Variants in LMO7 observed in about 807,000 individuals in gnomAD.
LMO7 encodes LIM domain 7.
A neutral mutation model predicts 206.5 loss-of-function variants in LMO7; 120 were observed. The observed-to-expected ratio is 0.58, with a 90% CI of 0.50 to 0.68. The LOEUF (loss-of-function observed/expected upper bound fraction) is 0.68. Among genes scored for constraint, LMO7 ranks in the 30% least tolerant of loss-of-function variants. The pLI, the probability that LMO7 is intolerant of heterozygous loss-of-function variation, is 0.00. For missense variants in LMO7, 1,959 were observed against 1,957.9 expected (o/e 1.00, Z -0.01); for synonymous variants, 706 against 681.5 (o/e 1.04, Z -0.56).
intron 2 of LMO7, among the ~76,000 whole-genome samples, chr13:75,715,015 C>T (rs915679654): frequency 1.2e-4 from 19 of 152,066 alleles, no homozygotes; most frequent in African/African-American, 2.9e-4. Context: ...GCATATATCT[C>T]GAATATATGA....
intron 3 of LMO7, among the ~76,000 whole-genome samples, chr13:75,735,042 T>G (rs530339284): frequency 1.7e-4 from 26 of 150,256 alleles, no homozygotes; most frequent in Middle Eastern, 3.5e-3. Context: ...AGCTTGCAGT[T>G]AGCCGAGATC....
intron 3 of LMO7, among the ~76,000 whole-genome samples, chr13:75,758,795 G>C (rs772208254): frequency 6.6e-5 from 10 of 152,080 alleles, no homozygotes; most frequent in African/African-American, 1.4e-4. Flanking sequence ...TTTACTTTTA[G>C]TTTAACCTTA....
At chr13:75,836,330 G>A (rs533407234) in intron 18 of LMO7, 67 bp from the exon 19 acceptor site, 30 of 780,900 alleles carry the variant, frequency 3.8e-5, no homozygotes, top group African/African-American at 3.8e-4. Flanking sequence ...TCACTAATGC[G>A]AAATGCATTA....
At chr13:75,806,263 T>G (rs2055445698) in intron 9 of LMO7, 1 of 989,130 alleles carries the variant, frequency 1.0e-6, no homozygotes, top group Non-Finnish European at 1.2e-6. Context: ...TGAGCCCAGG[T>G]GCCCCTGTCT....
intron 1 of LMO7, among the ~76,000 whole-genome samples, chr13:75,641,318 G>C (rs1377546553): frequency 6.6e-6 from 1 of 152,246 alleles, no homozygotes; most frequent in Non-Finnish European, 1.5e-5. Flanking sequence ...AAATCTTGAA[G>C]TTGCAGACAG....
At chr13:75,777,698 T>C (rs1167749317) in intron 4 of LMO7, among the ~76,000 whole-genome samples, 1 of 146,474 alleles carries the variant, frequency 6.8e-6, no homozygotes, top group Non-Finnish European at 1.5e-5. Flanking sequence ...CAGGCTGGAG[T>C]GCAGTGGGGC....
At position 75,741,491 on chromosome 13, in the gene LMO7, C is replaced by T. The variant is rs561156375; in HGVS notation, c.210+14393C>T. On this transcript the variant is annotated intron_variant, in intron 3 of 30. Transcript: ENST00000377534. ...GATGCAAAAATCCTCAACAAAACAC[C>T]GGCAAACTGAATCCAGCAGCACATC... 1.8e-4 allele frequency among the ~76,000 whole-genome samples: 28 copies of T among 152,236 alleles called. No homozygotes were observed. In the South Asian group the frequency reaches 4.6e-3, roughly 25 times the overall value.
chr13:75,804,577 C>A (rs747988789), intron 8 of LMO7, 36 bp downstream of exon 8: 1 of 1,593,212 alleles, frequency 6.3e-7, no homozygotes, highest in South Asian at 1.1e-5. Context: ...GTTTCGTATG[C>A]TTTTCGAATA....
At chr13:75,623,154 T>C (rs904568256) in intron 1 of LMO7, 2 of 607,684 alleles carry the variant, frequency 3.3e-6, no homozygotes, top group Non-Finnish European at 5.9e-6. Flanking sequence ...CTAAATAGTA[T>C]CATGCTTTGG....
chr13:75,647,951 C>CTTTCT (rs1555286938), intron 1 of LMO7, among the ~76,000 whole-genome samples: 24 of 91,148 alleles, frequency 2.6e-4, no homozygotes, highest in East Asian at 3.8e-4. Context: ...TCTTTTCTTT[C>CTTTCT]TTTTTTTTTT....
intron 14 of LMO7, 74 bp from the exon 15 acceptor site, chr13:75,823,491 T>C (rs889659820): frequency 1.2e-5 from 14 of 1,161,448 alleles, no homozygotes; most frequent in Non-Finnish European, 1.6e-5. Flanking sequence ...AAAATATTAA[T>C]TTAATAAACA....
At chr13:75,816,894 G>A (rs927029718) in intron 11 of LMO7, 17 of 260,826 alleles carry the variant, frequency 6.5e-5, no homozygotes, top group Admixed American at 1.6e-4. Flanking sequence ...TTGTTTGCTT[G>A]TTTTTTGTTT....
chr13:75,856,369 G>T, intron 29 of LMO7, 137 bp from the exon 30 acceptor site: 2 of 580,960 alleles, frequency 3.4e-6, no homozygotes, highest in Non-Finnish European at 6.1e-6. Flanking sequence ...ATCATCTTTC[G>T]GCCTTTTTTT....
chr13:75,827,175 G>A (rs1045735168), intron 15 of LMO7, among the ~76,000 whole-genome samples: 6 of 151,996 alleles, frequency 3.9e-5, no homozygotes, highest in Admixed American at 2.0e-4. Context: ...TAAGTTTTAC[G>A]GACTTGAACT....
intron 3 of LMO7, among the ~76,000 whole-genome samples, chr13:75,735,141 GTA>G (rs141860129): frequency 0.044 from 6,367 of 143,176 alleles, 176 homozygotes; most frequent in Non-Finnish European, 0.057. Flanking sequence ...GTGTGTGTGT[GTA>G]TGTATGTACA....
intron 15 of LMO7, among the ~76,000 whole-genome samples, chr13:75,825,939 C>T (rs1276520143): frequency 6.6e-6 from 1 of 152,132 alleles, no homozygotes; most frequent in Non-Finnish European, 1.5e-5. Context: ...TCATTTTTCT[C>T]TTTCATACCT....
intron 6 of LMO7, among the ~76,000 whole-genome samples, chr13:75,799,411 T>C (rs960596185): frequency 9.2e-5 from 14 of 152,242 alleles, no homozygotes; most frequent in African/African-American, 3.1e-4. Context: ...TCTATGTTTT[T>C]ACTTAACCAT....
At chr13:75,667,694 A>G (rs573760174) in intron 1 of LMO7, among the ~76,000 whole-genome samples, 1 of 152,282 alleles carries the variant, frequency 6.6e-6, no homozygotes, top group Admixed American at 6.5e-5. Flanking sequence ...ATACCTAGAT[A>G]TTGGAATGAT....
intron 8 of LMO7, chr13:75,805,211 T>C: frequency 8.1e-7 from 1 of 1,231,548 alleles, no homozygotes; most frequent in Non-Finnish European, 1.0e-6. Flanking sequence ...ATTCAGAAAG[T>C]AACACCCCAA....
Sources: allele counts gnomAD v4.1 joint callset (sites outside exome capture counted in the v4.1 genomes callset), GRCh38; gene constraint gnomAD v4.1.1; transcripts MANE v1.5; gene names NCBI Gene and HGNC (gene_info 2026-07-23, HGNC 2026-07-21).